Variants in SLC4A4 observed in about 807,000 individuals in gnomAD.
The protein encoded by SLC4A4 is electrogenic sodium bicarbonate cotransporter 1.
In SLC4A4, 27 loss-of-function variants were observed where a neutral mutation model predicts 111.5. The observed-to-expected ratio is 0.24, with a 90% confidence interval of 0.18 to 0.33. The LOEUF is 0.33. Ranked by LOEUF, SLC4A4 falls within the 10% of genes least tolerant of loss-of-function variation. SLC4A4 has a pLI of 1.00. For missense variants in SLC4A4, 909 were observed against 1,315.5 expected (o/e 0.69, Z 4.78); for synonymous variants, 443 against 463.4 (o/e 0.96, Z 0.57).
intron 7 of SLC4A4, among the ~76,000 whole-genome samples, chr4:71,416,851 A>G (rs571061682): frequency 6.6e-6 from 1 of 152,296 alleles, no homozygotes; most frequent in South Asian, 2.1e-4. Context: ...CTCCCAAAGA[A>G]AGACTCTTTT....
intron 2 of SLC4A4, among the ~76,000 whole-genome samples, chr4:71,250,914 CTG>C (rs1721024537): frequency 6.6e-6 from 1 of 152,142 alleles, no homozygotes; most frequent in Non-Finnish European, 1.5e-5. Context: ...CTTCCTCAAA[CTG>C]TGGTTTTTGC....
chr4:71,119,661 A>T (rs1264425141), intron 2 of SLC4A4, among the ~76,000 whole-genome samples: 2 of 152,086 alleles, frequency 1.3e-5, no homozygotes, highest in Non-Finnish European at 2.9e-5. Flanking sequence ...TCTATTTGGG[A>T]TTCATTTGGC....
At chr4:71,428,630 A>C (rs537807774) in intron 7 of SLC4A4, among the ~76,000 whole-genome samples, 2 of 152,182 alleles carry the variant, frequency 1.3e-5, no homozygotes, top group East Asian at 3.9e-4. Flanking sequence ...GGGGGACAGG[A>C]GAAAATTAGC....
chr4:71,110,697 G>A (rs1743061620), intron 2 of SLC4A4, among the ~76,000 whole-genome samples: 1 of 152,162 alleles, frequency 6.6e-6, no homozygotes, highest in African/African-American at 2.4e-5. Flanking sequence ...GGCTATCCAT[G>A]TTTACTCTGA....
intron 1 of SLC4A4, among the ~76,000 whole-genome samples, chr4:71,189,430 T>A (rs1745633233): frequency 6.6e-6 from 1 of 152,206 alleles, no homozygotes; most frequent in African/African-American, 2.4e-5. Context: ...AAATGTTGTG[T>A]GAAAGAAATA....
At chr4:71,417,373 C>T (rs1004151634) in intron 7 of SLC4A4, among the ~76,000 whole-genome samples, 4 of 152,022 alleles carry the variant, frequency 2.6e-5, no homozygotes, top group Admixed American at 2.0e-4. Context: ...TTTCCAAAGG[C>T]CTGGCTAGAG....
chr4:71,556,395 A>G (rs980970302), intron 21 of SLC4A4, among the ~76,000 whole-genome samples: 1 of 152,022 alleles, frequency 6.6e-6, no homozygotes, highest in Non-Finnish European at 1.5e-5. Flanking sequence ...TGAAACAGAA[A>G]TGGCCCACAG....
chr4:71,312,161 G>A (rs1293051850), intron 3 of SLC4A4, among the ~76,000 whole-genome samples: 1 of 152,150 alleles, frequency 6.6e-6, no homozygotes, highest in African/African-American at 2.4e-5. Context: ...AAATAAACTA[G>A]AAAATCTAGA....
At chr4:71,408,147 C>A (rs1721042836) in intron 7 of SLC4A4, among the ~76,000 whole-genome samples, 1 of 151,956 alleles carries the variant, frequency 6.6e-6, no homozygotes, top group Admixed American at 6.5e-5. Flanking sequence ...TTTCACTGAC[C>A]TTCACCAATG....
At chr4:71,411,853 G>A (rs1217243194) in intron 7 of SLC4A4, among the ~76,000 whole-genome samples, 2 of 152,186 alleles carry the variant, frequency 1.3e-5, no homozygotes, top group Admixed American at 6.5e-5. Context: ...TGATGTTGCT[G>A]TAAGCACTTA....
intron 2 of SLC4A4, among the ~76,000 whole-genome samples, chr4:71,143,147 GTC>G (rs1744059577): frequency 6.6e-6 from 1 of 151,504 alleles, no homozygotes; most frequent in Non-Finnish European, 1.5e-5. Flanking sequence ...CCCTTCCTGT[GTC>G]CATGTGTTTT....
At chr4:71,207,715 A>G (rs36024916) in intron 1 of SLC4A4, among the ~76,000 whole-genome samples, 2 of 152,248 alleles carry the variant, frequency 1.3e-5, no homozygotes, top group Admixed American at 1.3e-4. Context: ...TAAGAACTGC[A>G]TGAAGGCTTA....
intron 1 of SLC4A4, among the ~76,000 whole-genome samples, chr4:71,214,575 T>A (rs1578607614): frequency 6.6e-6 from 1 of 152,280 alleles, no homozygotes; most frequent in South Asian, 2.1e-4. Flanking sequence ...GGCTTTTGAT[T>A]TTGTTTTGTT....
intron 18 of SLC4A4, among the ~76,000 whole-genome samples, chr4:71,536,492 A>ATATATATATT (rs1246136965): frequency 1.3e-4 from 17 of 126,604 alleles, no homozygotes; most frequent in Admixed American, 2.5e-4. Context: ...ATATATGTAT[A>ATATATATATT]TATTTATTTA....
In SLC4A4 at chr4:71,193,592, C is replaced by T. The variant is rs373035701; in HGVS notation, c.-2+6191C>T. 1.4e-4 allele frequency among the ~76,000 whole-genome samples: 22 copies of T among 152,176 alleles called. 1 individual carries two copies. Among genetic ancestry groups the T allele is most frequent in the Admixed American group, 1.4e-3 (22 of 15,280 alleles). ...TGTGAGAGTATCATCTACCCCACAT[C>T]CTTACAAAAGGGGTTTTGTATGTCT... On this transcript the variant is annotated intron_variant, in intron 1 of 25. Transcript: ENST00000264485.
chr4:71,426,681 G>A (rs1234046497), intron 7 of SLC4A4, among the ~76,000 whole-genome samples: 1 of 152,104 alleles, frequency 6.6e-6, no homozygotes, highest in African/African-American at 2.4e-5. Flanking sequence ...CTACATCCCA[G>A]CCCTTGTTGG....
chr4:71,189,149 A>C (rs1745619418), intron 1 of SLC4A4, among the ~76,000 whole-genome samples: 2 of 152,182 alleles, frequency 1.3e-5, no homozygotes, highest in Admixed American at 1.3e-4. Flanking sequence ...CATGTTAAAA[A>C]AACTGAAAAC....
At position 71,086,844 on chromosome 4, in the gene SLC4A4, A is replaced by G. The variant is rs184065978; in HGVS notation, c.-64-5886A>G. 6.6e-5 allele frequency among the ~76,000 whole-genome samples: 10 copies of G among 152,166 alleles called. 1 individual carries two copies. Among genetic ancestry groups the G allele is most frequent in the Admixed American group, 3.3e-4 (5 of 15,296 alleles). On this transcript the variant is annotated intron_variant, in intron 1 of 26. Transcript: ENST00000649996. ...GAGGATTTTTGCATCGATGTTCATC[A>G]GGGATATTGGTCTAAAATTCTCTTT...
intron 2 of SLC4A4, among the ~76,000 whole-genome samples, chr4:71,252,696 A>G (rs539918974): frequency 2.5e-4 from 38 of 152,310 alleles, no homozygotes; most frequent in African/African-American, 7.9e-4. Context: ...CGCAGAGGCC[A>G]TCACTAAGAG....
Sources: gnomAD v4.1 joint callset for allele counts (sites outside exome capture counted in the v4.1 genomes callset) on GRCh38, gnomAD v4.1.1 for gene constraint, MANE v1.5 for transcripts, NCBI Gene and HGNC (gene_info 2026-07-23, HGNC 2026-07-21) for gene names.